Variants in DENND1C observed in about 807,000 individuals in gnomAD.
DENND1C encodes the protein DENN domain containing 1C.
A neutral mutation model predicts 87.9 loss-of-function variants in DENND1C; 64 were observed. That is an observed-to-expected ratio of 0.73 (90% confidence interval 0.60 to 0.90). The LOEUF is 0.90. Among genes scored for constraint, DENND1C ranks in the 40% least tolerant of loss-of-function variants. The probability of loss-of-function intolerance (pLI) is 0.00; values close to 1 mark genes in which losing one functional copy is unlikely to be tolerated. For synonymous variants in DENND1C, 384 were observed against 424.4 expected (o/e 0.90, Z 1.17); for missense variants, 980 against 1,037.0 (o/e 0.95, Z 0.76).
chr19:6,473,104 C>T, intron 14 of DENND1C, 111 bp from the exon 15 acceptor site: 3 of 715,618 alleles, frequency 4.2e-6, no homozygotes, highest in Non-Finnish European at 6.3e-6. Flanking sequence ...GTGTCTGATC[C>T]TGTGTGGGGC....
rs372996060 is a variant in DENND1C at position 6,480,306 on chromosome 19, T to C, written c.18-255A>G. On this transcript the variant is annotated intron_variant, in intron 1 of 22. Coordinates refer to ENST00000381480, the MANE Select transcript of DENND1C (RefSeq NM_024898.4). ...GTGGCTGTGTATGATTGTGTGTGGCTGAGTGCATGGCTTTTGTGAGCAGGC... is the reference window on the plus strand; with the variant it reads ...GTGGCTGTGTATGATTGTGTGTGGCCGAGTGCATGGCTTTTGTGAGCAGGC... 6 of 1,400,308 alleles carry C rather than the reference T, an allele frequency of 4.3e-6. No individual in the cohort carries two copies. The African/African-American group carries it at 5.8e-5, about 14-fold the overall frequency. The allele number at this position is 1,400,308 out of a possible 1,614,324, so 86.7% of individuals were successfully genotyped here. A position where few individuals can be genotyped will look rare whatever the true frequency, so the allele number is the denominator to read the frequency against.
At chr19:6,471,674 G>A (rs2092830403) in intron 15 of DENND1C, among the ~76,000 whole-genome samples, 178 bp from the exon 16 acceptor site, 1 of 152,094 alleles carries the variant, frequency 6.6e-6, no homozygotes, top group Admixed American at 6.5e-5. Context: ...AGATGGAGTT[G>A]CTCTGGCACC....
In DENND1C at chr19:6,475,823, C is replaced by T. The variant is rs1255911509; in HGVS notation, c.779+14G>A. 6.6e-7 allele frequency: 1 copy of T among 1,521,094 alleles called. No homozygotes were observed. The highest frequency in any genetic ancestry group is 8.8e-7 in the Non-Finnish European group (1 of 1,134,562). 94.2% of individuals were successfully genotyped at this position (1,521,094 alleles called of 1,614,324 possible). The stretch of plus-strand genomic sequence containing the variant: ...TGCCCACAGGCCCTGCCCCTCCCAG[C>T]TGCCCTCGCTCACCAGCAGTAGTCC... On this transcript the variant is annotated intron_variant, in intron 11 of 22. Transcript: ENST00000381480.
rs374618708 is a variant in DENND1C, at chr19:6,475,662, G to A, written c.825+44C>T. 6.2e-6 allele frequency: 10 copies of A among 1,611,506 alleles called. No individual in the cohort carries two copies. The African/African-American group carries it at 1.1e-4, about 17-fold the overall frequency. On this transcript the variant is annotated intron_variant, in intron 12 of 22. Transcript: ENST00000381480. ...AGGGCATCTGGGGATGTAGAGGAAG[G>A]GGGAACCCTCACGTCCCCGTCGTCT... is the stretch of plus-strand genomic sequence containing the variant.
intron 15 of DENND1C, among the ~76,000 whole-genome samples, chr19:6,471,703 C>T (rs1360266096): frequency 2.0e-5 from 3 of 152,006 alleles, no homozygotes; most frequent in Non-Finnish European, 2.9e-5. Flanking sequence ...AGTGCAGTGG[C>T]GTGATCTCGG....
chr19:6,468,207 G>C, intron 22 of DENND1C, 27 bp downstream of exon 22: 2 of 1,613,072 alleles, frequency 1.2e-6, no homozygotes, highest in South Asian at 1.1e-5. Flanking sequence ...CTTGGGGTAG[G>C]GTTGGGGGAG....
Position 6,467,283 on chromosome 19 carries a change from G to A in DENND1C, c.*221C>T. On this transcript the variant is annotated 3_prime_UTR_variant, in exon 23 of 23. Transcript: ENST00000381480. ...CTGAGATGGAAGTGACAAATGCCGA[G>A]AGGAATTGTAAGGTTGCCAGGATTC... 1.7e-6 allele frequency: 1 copy of A among 577,308 alleles called. No individual in the cohort carries two copies. The highest frequency in any genetic ancestry group is 2.8e-6 in the Non-Finnish European group (1 of 362,548). 35.8% of individuals were successfully genotyped at this position (577,308 alleles called of 1,614,324 possible).
intron 17 of DENND1C, among the ~76,000 whole-genome samples, chr19:6,470,620 G>GTTTTTTTT (rs35687922): frequency 6.3e-4 from 72 of 114,782 alleles, no homozygotes; most frequent in Middle Eastern, 9.5e-3. Flanking sequence ...GTTTTTTTTT[G>GTTTTTTTT]TTTTTTTTTT....
rs1302419274 is a variant in DENND1C at position 6,475,852 on chromosome 19, A to C, written c.764T>G (p.Leu255Arg). 1.3e-6 allele frequency: 2 copies of C among 1,545,688 alleles called. No individual in the cohort carries two copies. Among genetic ancestry groups the C allele is most frequent in the South Asian group, 2.4e-5 (2 of 84,182 alleles). The change falls in exon 11 of 23, where the codon CTG becomes CGG. Residue 255 changes from leucine (L) to arginine (R), a missense_variant. Leu to Arg is a moderately radical substitution (Grantham distance 102, BLOSUM62 -2). Coordinates refer to ENST00000381480, the MANE Select transcript of DENND1C (RefSeq NM_024898.4). ...HVLIPTLPPH[L>R]LDYCCAPMPY... Reference sequence around the variant, plus strand: ...CCTCGCTCACCAGCAGTAGTCCAGCAGGTGTGGGGGCAGCGTGGGGATCAG... The same window carrying C: ...CCTCGCTCACCAGCAGTAGTCCAGCCGGTGTGGGGGCAGCGTGGGGATCAG...
intron 1 of DENND1C, among the ~76,000 whole-genome samples, chr19:6,481,406 A>G (rs1226774664): frequency 6.6e-6 from 1 of 152,030 alleles, no homozygotes; most frequent in Non-Finnish European, 1.5e-5. Context: ...TACCAAGGAC[A>G]AAGCTCAGAG....
At chr19:6,471,933 G>A (rs1365625281) in intron 15 of DENND1C, among the ~76,000 whole-genome samples, 1 of 152,146 alleles carries the variant, frequency 6.6e-6, no homozygotes, top group Non-Finnish European at 1.5e-5. Context: ...GTAAGCCACT[G>A]TCCCCGGCCC....
chr19:6,478,989 A>T lies in DENND1C; in HGVS notation c.244T>A (p.Phe82Ile). The T allele has an allele frequency of 6.2e-7, 1 of 1,613,834 alleles. No individual in the cohort carries two copies. The highest frequency in any genetic ancestry group is 8.5e-7 in the Non-Finnish European group (1 of 1,179,826). Residue 82 changes from phenylalanine (F) to isoleucine (I), a missense_variant, in exon 5 of 23, where the codon TTT (phenylalanine) becomes ATT (isoleucine). Transcript: ENST00000381480. ...CCCGCCCGCAGGCGGCAGAAACCAAATCTGCGGTTGCCGGCAAGGTCTGTG... is the reference window on the plus strand; with the variant it reads ...CCCGCCCGCAGGCGGCAGAAACCAATTCTGCGGTTGCCGGCAAGGTCTGTG... ...ALTDLAGNRR[F>I]GFCRLRAGTQ... is the part of the protein sequence containing the mutation.
chr19:6,471,124 TCAGTAGA>T, intron 17 of DENND1C, 134 bp downstream of exon 17: 1 of 1,184,782 alleles, frequency 8.4e-7, no homozygotes, highest in Non-Finnish European at 1.2e-6. Context: ...TTTTTTTTTT[TCAGTAGA>T]GATGGGGTTT....
intron 10 of DENND1C, chr19:6,476,288 G>A: frequency 3.8e-6 from 1 of 265,286 alleles, no homozygotes; most frequent in South Asian, 6.8e-5. Context: ...CCCTTGTCCC[G>A]CCCCTAGGGG....
intron 6 of DENND1C, 23 bp downstream of exon 6, chr19:6,478,760 A>G: frequency 1.2e-6 from 2 of 1,603,650 alleles, no homozygotes; most frequent in Non-Finnish European, 1.7e-6. Context: ...CTCCCACAGG[A>G]GTGAGAGAGG....
intron 8 of DENND1C, 30 bp from the exon 9 acceptor site, chr19:6,477,157 C>G: frequency 6.3e-7 from 1 of 1,598,538 alleles, no homozygotes; most frequent in Non-Finnish European, 8.5e-7. Flanking sequence ...GGGGATCAAT[C>G]AGTCAGGAGG....
chr19:6,473,645 A>G (rs1280743035), intron 14 of DENND1C, among the ~76,000 whole-genome samples: 2 of 151,520 alleles, frequency 1.3e-5, no homozygotes, highest in African/African-American at 2.4e-5. Context: ...TAATTTTTGT[A>G]GTTTTTGTAG....
intron 10 of DENND1C, 118 bp downstream of exon 10, chr19:6,476,739 G>T: frequency 9.5e-7 from 1 of 1,056,302 alleles, no homozygotes; most frequent in Non-Finnish European, 1.3e-6. Flanking sequence ...GGCGGGGCCA[G>T]GACTTCGCCC....
rs781488276 is a variant in DENND1C at position 6,475,745 on chromosome 19, G to A, written c.786C>T (p.Pro262=). 2 of 1,567,352 alleles carry A rather than the reference G, an allele frequency of 1.3e-6. No homozygotes were observed. Among genetic ancestry groups the A allele is most frequent in the South Asian group, 1.2e-5 (1 of 86,330 alleles). Residue 262 remains proline (P), a synonymous_variant, in exon 12 of 23, where the codon CCC becomes CCT. Transcript: ENST00000381480. ...PPHLLDYCCA[P]MPYLIGVHAS... is the part of the protein sequence containing the mutation. Reference sequence around the variant, plus strand: ...CGTGCACTCCAATGAGGTAGGGCATGGGCGCGCTGCGGACCGAGGGGACGG... The same window carrying A: ...CGTGCACTCCAATGAGGTAGGGCATAGGCGCGCTGCGGACCGAGGGGACGG...
Sources: gnomAD v4.1 joint callset for allele counts (sites outside exome capture counted in the v4.1 genomes callset) on GRCh38, gnomAD v4.1.1 for gene constraint, MANE v1.5 for transcripts, NCBI Gene and HGNC (gene_info 2026-07-23, HGNC 2026-07-21) for gene names.